TRABD: variants seen among roughly 807,000 people sequenced by gnomAD.
The protein encoded by TRABD is TraB domain containing.
Under a neutral mutation model 39.6 loss-of-function variants are expected in TRABD, and 23 were observed. The observed-to-expected ratio is 0.58, with a 90% CI of 0.42 to 0.82. The LOEUF is 0.82. Among genes scored for constraint, TRABD ranks in the 40% least tolerant of loss-of-function variants. The pLI is 0.00. For synonymous variants in TRABD, 243 were observed against 232.1 expected, an observed-to-expected ratio of 1.05 and a Z score of -0.43; for missense variants, 487 against 544.9, an observed-to-expected ratio of 0.89 and a Z score of 1.06.
chr22:50,186,672 G>C (rs2063767939), intron 1 of TRABD, among the ~76,000 whole-genome samples: 1 of 152,204 alleles, frequency 6.6e-6, no homozygotes, highest in Non-Finnish European at 1.5e-5. Flanking sequence ...CCGGACCCCC[G>C]TTGTCCCCTC....
At chr22:50,186,036 G>A (rs887701504) in intron 1 of TRABD, 60 bp downstream of exon 1, 8 of 143,438 alleles carry the variant, frequency 5.6e-5, no homozygotes, top group African/African-American at 2.0e-4. Flanking sequence ...CGAGCGGGGG[G>A]CGGGCCCGGG....
intron 2 of TRABD, 39 bp downstream of exon 2, chr22:50,193,132 C>CG: frequency 2.0e-6 from 3 of 1,518,158 alleles, no homozygotes; most frequent in Non-Finnish European, 8.8e-7. Context: ...GAGACAGGGG[C>CG]GGGGGGCTTC....
At chr22:50,192,969 G>A in intron 1 of TRABD, 58 bp from the exon 2 acceptor site, 1 of 1,477,876 alleles carries the variant, frequency 6.8e-7, no homozygotes, top group Non-Finnish European at 9.2e-7. Context: ...TACGCAGTGA[G>A]TCCTGAGCCA....
chr22:50,194,635 T>C, intron 4 of TRABD, 129 bp downstream of exon 4: 1 of 1,426,602 alleles, frequency 7.0e-7, no homozygotes, highest in Non-Finnish European at 9.4e-7. Flanking sequence ...TTCAACACTG[T>C]GGTCCCTGGG....
rs2064239506 is a variant in TRABD, at chr22:50,199,212, G to A, written c.*693G>A. The stretch of plus-strand genomic sequence containing the variant: ...TCTGTCCCGAGTGGGCTCGCGTGCA[G>A]CCAAACATCAGCTCTGGGTCCAGGC... On this transcript the variant is annotated 3_prime_UTR_variant, in exon 10 of 10. Coordinates refer to ENST00000380909, the MANE Select transcript of TRABD (RefSeq NM_001320485.2). 1 of 699,162 alleles carries A rather than the reference G, an allele frequency of 1.4e-6. No individual in the cohort carries two copies. 43.3% of individuals were successfully genotyped at this position (699,162 alleles called of 1,614,324 possible).
intron 5 of TRABD, among the ~76,000 whole-genome samples, chr22:50,195,565 T>C (rs1438438347): frequency 6.6e-6 from 1 of 151,974 alleles, no homozygotes; most frequent in African/African-American, 2.4e-5. Context: ...TGGGTTCTAG[T>C]GATGCTCCCG....
chr22:50,198,477 G>A lies in TRABD; in HGVS notation c.1089G>A (p.Ala363=), dbSNP rs370652085. 1.5e-5 allele frequency: 24 copies of A among 1,593,626 alleles called. 1 individual carries two copies. The Middle Eastern group carries it at 2.7e-3, about 178-fold the overall frequency. The change falls in exon 10 of 10, where the codon GCG becomes GCA. Residue 363 remains alanine, a synonymous_variant. Transcript: ENST00000380909. This position sits in a 1 kb window ranked among gnomAD's most constrained non-coding sequence, Gnocchi z 7.9. Reference sequence around the variant, plus strand: ...GCCTGGTCCTGTCGCTGCCCGCCGCGCAGTACTGCCTGCAGAGGGTGACCG... The same window carrying A: ...GCCTGGTCCTGTCGCTGCCCGCCGCACAGTACTGCCTGCAGAGGGTGACCG... The part of the protein sequence containing the change: ...TASLVLSLPA[A]QYCLQRVTEA...
intron 1 of TRABD, among the ~76,000 whole-genome samples, chr22:50,187,737 T>A (rs971682926): frequency 6.6e-6 from 1 of 151,846 alleles, no homozygotes; most frequent in African/African-American, 2.4e-5. Context: ...CCCAGCACTT[T>A]GGGAGGCCGA....
intron 3 of TRABD, 136 bp from the exon 4 acceptor site, chr22:50,194,204 G>C: frequency 1.8e-6 from 2 of 1,109,734 alleles, no homozygotes; most frequent in Non-Finnish European, 2.5e-6. Flanking sequence ...GGAGTGTGAC[G>C]CTCGTCAGGA....
chr22:50,191,266 C>T (rs2063899273), intron 1 of TRABD, among the ~76,000 whole-genome samples: 1 of 152,182 alleles, frequency 6.6e-6, no homozygotes, highest in Admixed American at 6.5e-5. Flanking sequence ...CAGGCCTCTT[C>T]CCCTGCTCAG....
At chr22:50,194,776 T>G in intron 4 of TRABD, 124 bp from the exon 5 acceptor site, 1 of 1,413,616 alleles carries the variant, frequency 7.1e-7, no homozygotes, top group Non-Finnish European at 9.5e-7. Flanking sequence ...GCAGCGGGGT[T>G]AGCTAGCCCT....
intron 1 of TRABD, among the ~76,000 whole-genome samples, chr22:50,187,880 T>G (rs1408916562): frequency 6.6e-6 from 1 of 151,950 alleles, no homozygotes. Context: ...CTCGGGAGGC[T>G]GAGGCAGGAG....
At position 50,199,223 on chromosome 22, in the gene TRABD, G is replaced by C; in HGVS notation, c.*704G>C. 1 of 690,770 alleles carries C rather than the reference G, an allele frequency of 1.4e-6. No individual in the cohort carries two copies. 42.8% of individuals were successfully genotyped at this position (690,770 alleles called of 1,614,324 possible). ...TGGGCTCGCGTGCAGCCAAACATCA[G>C]CTCTGGGTCCAGGCGTGGCCTCAGC... is the stretch of plus-strand genomic sequence containing the variant. On this transcript the variant is annotated 3_prime_UTR_variant, in exon 10 of 10. Coordinates refer to ENST00000380909, the MANE Select transcript of TRABD (RefSeq NM_001320485.2).
intron 5 of TRABD, among the ~76,000 whole-genome samples, chr22:50,196,095 G>A (rs1255521449): frequency 6.6e-6 from 1 of 152,188 alleles, no homozygotes; most frequent in African/African-American, 2.4e-5. Context: ...AGGGAAGGGG[G>A]CGTGGGGCAG....
Position 50,198,255 on chromosome 22 carries a change from G to T in TRABD, c.956+69G>T. ...CAGGTGGAGGCTGAGCGCCCTGGAG[G>T]CCAACCACATGCGGCAGTGACCCAG... On this transcript the variant is annotated intron_variant, in intron 9 of 9. Coordinates refer to ENST00000380909, the MANE Select transcript of TRABD (RefSeq NM_001320485.2). The surrounding 1 kb of genome is among the most constrained non-coding windows in gnomAD (Gnocchi z 7.9). 6.5e-7 allele frequency: 1 copy of T among 1,538,332 alleles called. No homozygotes were observed. The highest frequency in any genetic ancestry group is 1.2e-5 in the South Asian group (1 of 84,528).
Position 50,199,494 on chromosome 22 carries a change from G to T in TRABD, c.*975G>T. 1 of 201,018 alleles carries T rather than the reference G, an allele frequency of 5.0e-6. No homozygotes were observed. The highest frequency in any genetic ancestry group is 1.6e-4 in the South Asian group (1 of 6,324). 12.5% of individuals were successfully genotyped at this position (201,018 alleles called of 1,614,324 possible). A position where few individuals can be genotyped will look rare whatever the true frequency, so the allele number is the denominator to read the frequency against. On this transcript the variant is annotated 3_prime_UTR_variant, in exon 10 of 10. Transcript: ENST00000380909. Reference sequence around the variant, plus strand: ...CTCTGGTTGTGTCTGTGCCGACTCGGTGTTGAATCAAATCAGGTGTGCGTC... The same window carrying T: ...CTCTGGTTGTGTCTGTGCCGACTCGTTGTTGAATCAAATCAGGTGTGCGTC...
chr22:50,192,618 G>T (rs1167291050), intron 1 of TRABD, among the ~76,000 whole-genome samples: 3 of 152,204 alleles, frequency 2.0e-5, no homozygotes, highest in Non-Finnish European at 4.4e-5. Flanking sequence ...TTGTACAAAG[G>T]CCCTGGGGTC....
rs551921290 is a variant in TRABD, at chr22:50,186,318, G to C, written c.-35+342G>C. ...TGGGGGCCGGGGTGGCAGGTCGTTGGGGGGGCCAGGCCCGGGTCAGGTTTT... is the reference window on the plus strand; with the variant it reads ...TGGGGGCCGGGGTGGCAGGTCGTTGCGGGGGCCAGGCCCGGGTCAGGTTTT... On this transcript the variant is annotated intron_variant, in intron 1 of 9. Coordinates refer to ENST00000380909, the MANE Select transcript of TRABD (RefSeq NM_001320485.2). Among the ~76,000 whole-genome samples the C allele has an allele frequency of 3.1e-3, 442 of 141,220 alleles. 1 individual carries two copies. Among genetic ancestry groups the C allele is most frequent in the African/African-American group, 0.011 (405 of 37,992 alleles). 92.6% of individuals were successfully genotyped at this position (141,220 alleles called of 152,430 possible).
rs191369005 is a variant in TRABD at position 50,190,276 on chromosome 22, G to C, written c.-34-2751G>C. Among the ~76,000 whole-genome samples the C allele has an allele frequency of 6.5e-3, 989 of 152,328 alleles. 8 individuals carry two copies. Among genetic ancestry groups the C allele is most frequent in the African/African-American group, 0.023 (941 of 41,574 alleles). ...CCTCTGGTGGCGCTGACATCGTCCT[G>C]CTCAAGGCTTGGCAGCCGGCCCAGG... is the stretch of plus-strand genomic sequence containing the variant. On this transcript the variant is annotated intron_variant, in intron 1 of 9. Transcript: ENST00000380909.
Sources: gnomAD v4.1 joint callset for allele counts (sites outside exome capture counted in the v4.1 genomes callset) on GRCh38, gnomAD v4.1.1 for gene constraint, Gnocchi (gnomAD v3.1) non-coding constraint, MANE v1.5 for transcripts, NCBI Gene and HGNC (gene_info 2026-07-23, HGNC 2026-07-21) for gene names.